CSMD3: variants seen among roughly 807,000 people sequenced by gnomAD.
CSMD3 encodes the protein CUB and sushi domain-containing protein 3.
CSMD3 carries 177 observed loss-of-function variants against 435.2 expected under a neutral mutation model. That is an observed-to-expected ratio of 0.41 (90% CI 0.36 to 0.46). CSMD3 has a LOEUF of 0.46. Among genes scored for constraint, CSMD3 ranks in the 20% least tolerant of loss-of-function variants. The pLI, the probability that CSMD3 is intolerant of heterozygous loss-of-function variation, is 0.34. For synonymous variants in CSMD3, 1,656 were observed against 1,520.5 expected (o/e 1.09, Z -2.07); for missense variants, 4,265 against 4,504.6 (o/e 0.95, Z 1.52).
intron 12 of CSMD3, among the ~76,000 whole-genome samples, chr8:112,827,688 CT>C (rs1269680996): frequency 3.3e-5 from 5 of 152,144 alleles, no homozygotes; most frequent in African/African-American, 1.2e-4. Context: ...AACATATTCA[CT>C]TGCAAAACAA....
chr8:113,349,081 T>C lies in CSMD3; in HGVS notation c.179-34288A>G, dbSNP rs538121807. Among the ~76,000 whole-genome samples, 4 of 152,258 alleles carry C rather than the reference T, an allele frequency of 2.6e-5. No individual in the cohort carries two copies. In the South Asian group the frequency reaches 8.3e-4, roughly 32 times the overall value. On this transcript the variant is annotated intron_variant, in intron 1 of 70. Coordinates refer to ENST00000297405, the MANE Select transcript of CSMD3 (RefSeq NM_198123.2). ...TATTCATAATCATTATTTATTTTTA[T>C]ATGTATATACCATCCTCTGAGCCTC...
intron 1 of CSMD3, among the ~76,000 whole-genome samples, chr8:113,318,511 C>A (rs2093926576): frequency 6.6e-6 from 1 of 151,970 alleles, no homozygotes; most frequent in Non-Finnish European, 1.5e-5. Context: ...TAATGTTGTA[C>A]ATCAGGCCTC....
At chr8:113,390,813 A>G (rs1205879426) in intron 1 of CSMD3, among the ~76,000 whole-genome samples, 2 of 151,980 alleles carry the variant, frequency 1.3e-5, no homozygotes, top group African/African-American at 4.8e-5. Flanking sequence ...CATTTATTCT[A>G]ATCATACTTT....
At chr8:112,878,078 A>T (rs113099044) in intron 10 of CSMD3, among the ~76,000 whole-genome samples, 5,400 of 152,284 alleles carry the variant, frequency 0.035, 153 homozygotes, top group Middle Eastern at 0.051. Flanking sequence ...GGATCTAATT[A>T]AACTAAAGAG....
intron 12 of CSMD3, among the ~76,000 whole-genome samples, chr8:112,810,279 T>C (rs1335456811): frequency 6.6e-6 from 1 of 151,440 alleles, no homozygotes; most frequent in African/African-American, 2.5e-5. Context: ...GTAACTAATA[T>C]GTGTCTAAAT....
chr8:112,977,632 C>T (rs1032294179), intron 6 of CSMD3, among the ~76,000 whole-genome samples: 8 of 151,950 alleles, frequency 5.3e-5, no homozygotes, highest in African/African-American at 1.9e-4. Flanking sequence ...GTTGAGTCGT[C>T]ATATCTGAAT....
intron 34 of CSMD3, 42 bp downstream of exon 34, chr8:112,408,276 A>G (rs1215140699): frequency 6.6e-6 from 8 of 1,205,488 alleles, no homozygotes; most frequent in Non-Finnish European, 8.7e-6. Context: ...TGGGAAAATT[A>G]TATCATTCCT....
intron 3 of CSMD3, among the ~76,000 whole-genome samples, chr8:113,269,751 G>T (rs1418526014): frequency 6.6e-6 from 1 of 152,052 alleles, no homozygotes; most frequent in Non-Finnish European, 1.5e-5. Flanking sequence ...GGGAAAACTG[G>T]CTAGCCATAT....
chr8:113,338,432 C>T (rs1025197569), intron 1 of CSMD3, among the ~76,000 whole-genome samples: 1 of 151,830 alleles, frequency 6.6e-6, no homozygotes, highest in Non-Finnish European at 1.5e-5. Flanking sequence ...TACTTGCATA[C>T]GAATGTTCAT....
At chr8:113,083,585 T>C (rs976022886) in intron 5 of CSMD3, among the ~76,000 whole-genome samples, 14 of 151,918 alleles carry the variant, frequency 9.2e-5, no homozygotes, top group African/African-American at 3.1e-4. Flanking sequence ...AACTCACTGG[T>C]ATAAAAGATA....
chr8:113,225,370 T>C (rs1404975783), intron 3 of CSMD3, among the ~76,000 whole-genome samples: 1 of 151,540 alleles, frequency 6.6e-6, no homozygotes, highest in Non-Finnish European at 1.5e-5. Context: ...TTATTGTTTC[T>C]GCTCTCCTTT....
At chr8:113,168,297 C>T (rs1222945844) in intron 4 of CSMD3, among the ~76,000 whole-genome samples, 6 of 151,772 alleles carry the variant, frequency 4.0e-5, no homozygotes, top group East Asian at 1.9e-4. Flanking sequence ...GAGGCTAAGG[C>T]GGGCAGATCA....
At chr8:113,039,448 CA>C (rs1191334282) in intron 5 of CSMD3, among the ~76,000 whole-genome samples, 3 of 152,098 alleles carry the variant, frequency 2.0e-5, no homozygotes, top group African/African-American at 7.2e-5. Context: ...GATATATTCA[CA>C]ACAGACACAA....
At chr8:113,128,387 A>G (rs1377744032) in intron 4 of CSMD3, among the ~76,000 whole-genome samples, 1 of 152,004 alleles carries the variant, frequency 6.6e-6, no homozygotes, top group Non-Finnish European at 1.5e-5. Flanking sequence ...TTATTTTTCT[A>G]TGAGCAAAAT....
chr8:113,257,364 T>C (rs775577013), intron 3 of CSMD3, among the ~76,000 whole-genome samples: 2 of 152,128 alleles, frequency 1.3e-5, no homozygotes, highest in Non-Finnish European at 2.9e-5. Context: ...TGAGCCAAGA[T>C]GGCACCACTG....
chr8:112,903,151 C>CAAAAAAAAAAAAAAAA (rs763330055), intron 10 of CSMD3, among the ~76,000 whole-genome samples: 23 of 53,790 alleles, frequency 4.3e-4, no homozygotes, highest in Non-Finnish European at 5.9e-4. Context: ...GCAGTCTTGG[C>CAAAAAAAAAAAAAAAA]AAAAAAAAAA....
At chr8:112,972,688 A>T (rs2130916964) in intron 7 of CSMD3, among the ~76,000 whole-genome samples, 1 of 152,046 alleles carries the variant, frequency 6.6e-6, no homozygotes, top group Admixed American at 6.5e-5. Context: ...ATTTAAGTAA[A>T]TTTTCTAGCA....
intron 4 of CSMD3, among the ~76,000 whole-genome samples, chr8:113,171,828 T>C (rs1180138814): frequency 6.6e-6 from 1 of 152,180 alleles, no homozygotes; most frequent in Admixed American, 6.5e-5. Flanking sequence ...TACCTGGTTA[T>C]CCTTCTGTAC....
chr8:112,274,218 A>C (rs1817811984), intron 59 of CSMD3, among the ~76,000 whole-genome samples: 1 of 152,074 alleles, frequency 6.6e-6, no homozygotes, highest in East Asian at 1.9e-4. Context: ...AAAAAAAAGG[A>C]AAGAGTATAT....
Sources: gnomAD v4.1 joint callset for allele counts (sites outside exome capture counted in the v4.1 genomes callset) on GRCh38, gnomAD v4.1.1 for gene constraint, MANE v1.5 for transcripts, NCBI Gene and HGNC (gene_info 2026-07-23, HGNC 2026-07-21) for gene names.